Variants in ZCCHC8 observed in about 807,000 individuals in gnomAD.
ZCCHC8 encodes the protein zinc finger CCHC-type containing 8.
Under a neutral mutation model 70.6 loss-of-function variants are expected in ZCCHC8, and 27 were observed. That is an observed-to-expected ratio of 0.38 (90% CI 0.28 to 0.53). The LOEUF is 0.53. Among genes scored for constraint, ZCCHC8 ranks in the 20% least tolerant of loss-of-function variants. The pLI is 0.81. For synonymous variants in ZCCHC8, 293 were observed against 317.4 expected, an observed-to-expected ratio of 0.92 and a Z score of 0.82; for missense variants, 737 against 876.9, an observed-to-expected ratio of 0.84 and a Z score of 2.01.
At chr12:122,486,856 C>T (rs888965017) in intron 5 of ZCCHC8, among the ~76,000 whole-genome samples, 2 of 152,144 alleles carry the variant, frequency 1.3e-5, no homozygotes, top group South Asian at 2.1e-4. Context: ...AGATGTGAGC[C>T]GCCGTGCCAG....
At chr12:122,481,703 T>C (rs1388939911) in intron 9 of ZCCHC8, 39 bp from the exon 10 acceptor site, 2 of 1,598,180 alleles carry the variant, frequency 1.3e-6, no homozygotes, top group Non-Finnish European at 1.7e-6. Context: ...TACTGAATTC[T>C]TATTTGCATG....
rs925197888 is a variant in ZCCHC8, at chr12:122,492,519, A to G, written c.317+196T>C. ...CCTTCCCAGGTTCACAGACATAGAA[A>G]GTAAGAGTCCAGATATTCAGGTCAC... On this transcript the variant is annotated intron_variant, in intron 3 of 13. Transcript: ENST00000633063. Among the ~76,000 whole-genome samples the G allele has an allele frequency of 2.0e-5, 3 of 152,210 alleles. No individual in the cohort carries two copies. The East Asian group carries it at 5.8e-4, about 29-fold the overall frequency.
chr12:122,490,378 T>C (rs1957723540), intron 4 of ZCCHC8, 84 bp downstream of exon 4: 1 of 1,124,852 alleles, frequency 8.9e-7, no homozygotes, highest in South Asian at 1.4e-5. Context: ...ATTTTGGTTT[T>C]GATTCAAGAG....
chr12:122,476,957 G>A (rs138750330), intron 13 of ZCCHC8, among the ~76,000 whole-genome samples: 4,368 of 151,692 alleles, frequency 0.029, 217 homozygotes, highest in African/African-American at 0.1. Flanking sequence ...GAGAGGCGGA[G>A]GTTGCAGTGA....
At chr12:122,484,398 T>C (rs1325894516) in intron 5 of ZCCHC8, among the ~76,000 whole-genome samples, 8 of 144,152 alleles carry the variant, frequency 5.5e-5, no homozygotes, top group African/African-American at 2.1e-4. Context: ...GCACCTGGCC[T>C]CACATATACT....
Position 122,473,866 on chromosome 12 carries a change from C to G in ZCCHC8, c.1755G>C (p.Glu585Asp), listed in dbSNP as rs1957362291. 6.2e-7 allele frequency: 1 copy of G among 1,613,816 alleles called. No homozygotes were observed. Among genetic ancestry groups the G allele is most frequent in the Non-Finnish European group, 8.5e-7 (1 of 1,179,906 alleles). ...CAGCTTCTGATTTCTTTGTAAAAAT[C>G]TCTGGTACCTCAGGCTCATCCAGCG... is the stretch of plus-strand genomic sequence containing the variant. ...KQTLDEPEVP[E>D]IFTKKSEAGH... Residue 585 changes from glutamate (E) to aspartate (D), a missense_variant, in exon 14 of 14, where the codon GAG becomes GAC. By Grantham distance (45) the Glu-to-Asp change is conservative (BLOSUM62 2). Transcript: ENST00000633063.
In ZCCHC8 at chr12:122,490,562, T is replaced by C. The variant is rs1957726136; in HGVS notation, c.323A>G (p.Tyr108Cys). 1 of 1,602,562 alleles carries C rather than the reference T, an allele frequency of 6.2e-7. No homozygotes were observed. Among genetic ancestry groups the C allele is most frequent in the Non-Finnish European group, 8.5e-7 (1 of 1,173,224 alleles). ...TACAAATTCCTCTATTTCTTGATGA[T>C]ATTGCCTGTGTAAGAGGACAAAATG... is the stretch of plus-strand genomic sequence containing the variant. ...LFMNNAISKQ[Y>C]HQEIEEFVSN... The change falls in exon 4 of 14, where the codon TAT becomes TGT. Residue 108 changes from tyrosine (Y) to cysteine (C), a missense_variant. Physicochemically the swap from Tyr to Cys is radical, Grantham distance 194. Transcript: ENST00000633063.
chr12:122,497,692 A>C (rs7307106), intron 2 of ZCCHC8, among the ~76,000 whole-genome samples: 1,622 of 152,252 alleles, frequency 0.011, 31 homozygotes, highest in African/African-American at 0.037. Context: ...ATATTTTGAG[A>C]TACCAGTAAT....
chr12:122,486,506 A>G (rs528745006), intron 5 of ZCCHC8, among the ~76,000 whole-genome samples: 3 of 151,950 alleles, frequency 2.0e-5, no homozygotes, highest in Non-Finnish European at 4.4e-5. Flanking sequence ...AGTAAAATCT[A>G]AAGTCCTCAT....
chr12:122,498,706 G>T, intron 2 of ZCCHC8, 121 bp downstream of exon 2: 1 of 966,874 alleles, frequency 1.0e-6, no homozygotes, highest in Non-Finnish European at 1.6e-6. Flanking sequence ...TTCAGAGTAT[G>T]CTAAACAAAT....
At chr12:122,476,604 A>C (rs191946817) in intron 13 of ZCCHC8, among the ~76,000 whole-genome samples, 108 of 151,788 alleles carry the variant, frequency 7.1e-4, no homozygotes, top group African/African-American at 2.4e-3. Flanking sequence ...AAAAAAAAAA[A>C]CAAAAAACAA....
intron 2 of ZCCHC8, among the ~76,000 whole-genome samples, chr12:122,498,058 C>T (rs1332415448): frequency 2.6e-5 from 4 of 152,104 alleles, no homozygotes; most frequent in Non-Finnish European, 5.9e-5. Context: ...TTTTCAAAAG[C>T]ACATTACTTT....
chr12:122,482,062 T>C lies in ZCCHC8; in HGVS notation c.758A>G (p.Glu253Gly). Reference protein sequence around the residue: ...PMPRNAARISEKRKEYMDACG... With the variant: ...PMPRNAARISGKRKEYMDACG... ...GGCATCCATATACTCTTTTCTCTTT[T>C]CACTTATTCGAGCAGCATTCCGAGG... The change falls in exon 9 of 14, where the codon GAA becomes GGA. Residue 253 changes from glutamate (E) to glycine (G), a missense_variant. Transcript: ENST00000633063. The C allele has an allele frequency of 1.2e-6, 2 of 1,610,404 alleles. No individual in the cohort carries two copies. The highest frequency in any genetic ancestry group is 1.7e-6 in the Non-Finnish European group (2 of 1,178,816).
At chr12:122,480,149 TATCAC>T in intron 11 of ZCCHC8, 36 bp downstream of exon 11, 18 of 1,490,742 alleles carry the variant, frequency 1.2e-5, no homozygotes, top group Non-Finnish European at 1.6e-5. Context: ...AACATAATAA[TATCAC>T]ATCACATGAT....
intron 10 of ZCCHC8, 60 bp from the exon 11 acceptor site, chr12:122,480,371 A>G: frequency 7.1e-7 from 1 of 1,398,888 alleles, no homozygotes; most frequent in South Asian, 1.7e-5. Flanking sequence ...CCCTCCCCAG[A>G]CCAAAAGTAC....
At chr12:122,495,526 C>T (rs1238293273) in intron 2 of ZCCHC8, among the ~76,000 whole-genome samples, 1 of 151,948 alleles carries the variant, frequency 6.6e-6, no homozygotes, top group Non-Finnish European at 1.5e-5. Context: ...AACAAACAAA[C>T]AAAACCCAAC....
At chr12:122,486,105 A>G (rs1957631872) in intron 5 of ZCCHC8, among the ~76,000 whole-genome samples, 1 of 151,960 alleles carries the variant, frequency 6.6e-6, no homozygotes. Flanking sequence ...TCCACACAGA[A>G]CCCAGCTCTT....
Position 122,500,681 on chromosome 12 carries a change from G to T in ZCCHC8, c.160C>A (p.Arg54=). The T allele has an allele frequency of 6.3e-7, 1 of 1,582,476 alleles. No individual in the cohort carries two copies. Residue 54 remains arginine, a synonymous_variant, in exon 1 of 14, where the codon CGG becomes AGG. Transcript: ENST00000633063. This position sits in a 1 kb window ranked among gnomAD's most constrained non-coding sequence, Gnocchi z 4.8. ...TGCTCGATGGTCTCCTCGCACTGCC[G>T]AAGCCGCTCCCGTAGCTCCGCGTCG... ...VGDAELRERL[R]QCEETIEQLR...
Position 122,477,868 on chromosome 12 carries a change from A to C in ZCCHC8, c.1318T>G (p.Ser440Ala). Residue 440 changes from serine (S) to alanine (A), a missense_variant, in exon 13 of 14, where the codon TCT becomes GCT. Coordinates refer to ENST00000633063, the MANE Select transcript of ZCCHC8 (RefSeq NM_017612.5). The stretch of plus-strand genomic sequence containing the variant: ...GAATCGAGCTCCATGTCGGCGGGAG[A>C]TCCCGCTGAGTTGCTTTCATTCTTC... ...KQKNESNSAG[S>A]PADMELDSDM... 1.2e-6 allele frequency: 2 copies of C among 1,612,918 alleles called. No individual in the cohort carries two copies. Among genetic ancestry groups the C allele is most frequent in the South Asian group, 2.2e-5 (2 of 91,036 alleles).
Sources: allele counts gnomAD v4.1 joint callset (sites outside exome capture counted in the v4.1 genomes callset), GRCh38; gene constraint gnomAD v4.1.1; non-coding constraint Gnocchi (gnomAD v3.1); transcripts MANE v1.5; gene names NCBI Gene and HGNC (gene_info 2026-07-23, HGNC 2026-07-21).